Variants in NOP58 observed in about 807,000 individuals in gnomAD.
NOP58 encodes the protein nucleolar protein 58.
In NOP58, 44 loss-of-function variants were observed where a neutral mutation model predicts 71.2. That is an observed-to-expected ratio of 0.62 (90% confidence interval 0.49 to 0.79). The LOEUF is 0.79. NOP58 is among the 30% of genes least tolerant of loss of function. NOP58 has a pLI of 0.00. For synonymous variants in NOP58, 228 were observed against 200.3 expected (o/e 1.14, Z -1.17); for missense variants, 538 against 620.2 (o/e 0.87, Z 1.41).
intron 6 of NOP58, among the ~76,000 whole-genome samples, chr2:202,289,659 A>G (rs1045316008): frequency 6.6e-6 from 1 of 152,220 alleles, no homozygotes; most frequent in African/African-American, 2.4e-5. Context: ...TCTGATACAT[A>G]TTTCAACATG....
chr2:202,269,218 C>T (rs576206815), intron 1 of NOP58, among the ~76,000 whole-genome samples: 4 of 151,924 alleles, frequency 2.6e-5, no homozygotes, highest in Admixed American at 1.3e-4. Context: ...GTTGCCCAGG[C>T]TGGAGTGCAG....
intron 7 of NOP58, 22 bp from the exon 8 acceptor site, chr2:202,291,103 A>G (rs372137027): frequency 1.1e-4 from 170 of 1,566,138 alleles, no homozygotes; most frequent in South Asian, 5.9e-4. Flanking sequence ...ATTCTCCCTC[A>G]TCCTCTGCAA....
At chr2:202,280,887 C>T (rs1688691216) in intron 3 of NOP58, among the ~76,000 whole-genome samples, 1 of 150,666 alleles carries the variant, frequency 6.6e-6, no homozygotes, top group Non-Finnish European at 1.5e-5. Context: ...ACCACGCTCA[C>T]CTAATTTTTG....
chr2:202,291,150 C>T lies in NOP58; in HGVS notation c.660C>T (p.Ala220=). ...GCGATAGGAAGAACTATGCCTCTGC[C>T]AAGCTTTCTGAGTTGCTGCCAGAAG... The part of the protein sequence containing the change: ...KVGDRKNYAS[A]KLSELLPEEV... The change falls in exon 8 of 15, where the codon GCC becomes GCT. Residue 220 remains alanine (A), a synonymous_variant. Coordinates refer to ENST00000264279, the MANE Select transcript of NOP58 (RefSeq NM_015934.5). 1 of 1,611,194 alleles carries T rather than the reference C, an allele frequency of 6.2e-7. No individual in the cohort carries two copies. Among genetic ancestry groups the T allele is most frequent in the Non-Finnish European group, 8.5e-7 (1 of 1,179,276 alleles).
At chr2:202,288,616 G>A (rs912198473) in intron 6 of NOP58, among the ~76,000 whole-genome samples, 1 of 151,942 alleles carries the variant, frequency 6.6e-6, no homozygotes, top group Non-Finnish European at 1.5e-5. Context: ...TCAGGAGTTC[G>A]AGATCAGGCC....
chr2:202,277,042 C>T (rs920106516), intron 2 of NOP58, among the ~76,000 whole-genome samples: 28 of 151,762 alleles, frequency 1.8e-4, no homozygotes, highest in African/African-American at 6.5e-4. Context: ...AATCCCAGCA[C>T]TTTGGGAGGC....
intron 13 of NOP58, among the ~76,000 whole-genome samples, chr2:202,302,083 C>CT (rs71031885): frequency 0.026 from 2,373 of 90,580 alleles, 91 homozygotes; most frequent in Non-Finnish European, 0.029. Context: ...TTTTTTTTTT[C>CT]TTTTTTTTTT....
chr2:202,299,147 T>A (rs540424839), intron 12 of NOP58, among the ~76,000 whole-genome samples: 74 of 151,538 alleles, frequency 4.9e-4, no homozygotes, highest in South Asian at 2.1e-4. Flanking sequence ...TTTAGTAGAG[T>A]CGGGGTTTCA....
intron 8 of NOP58, 89 bp downstream of exon 8, chr2:202,291,359 T>G: frequency 1.0e-6 from 1 of 968,342 alleles, no homozygotes; most frequent in Non-Finnish European, 1.5e-6. Context: ...TTTACACTTA[T>G]TGTTGTTCAC....
At chr2:202,298,298 C>T (rs191650617) in intron 12 of NOP58, among the ~76,000 whole-genome samples, 1 of 152,088 alleles carries the variant, frequency 6.6e-6, no homozygotes, top group Non-Finnish European at 1.5e-5. Flanking sequence ...TTATTCATTT[C>T]CAGATATTGA....
chr2:202,273,548 G>A (rs762950384), intron 1 of NOP58, among the ~76,000 whole-genome samples: 10 of 152,088 alleles, frequency 6.6e-5, no homozygotes. Context: ...CTTTAGCATT[G>A]TTGTTACAAC....
At position 202,282,330 on chromosome 2, in the gene NOP58, GTTTTTC is replaced by G. The variant is rs1481569157; in HGVS notation, c.176-12_176-7del. Reference sequence around the variant, plus strand: ...TAAAAATTTGAGAGTTAATGCTTTTGTTTTTCTTTTTCTTGAAAAGCATTCACAGCT... The same window carrying G: ...TAAAAATTTGAGAGTTAATGCTTTTGTTTTTCTTGAAAAGCATTCACAGCT... On this transcript the variant is annotated splice_polypyrimidine_tract_variant and intron_variant, in intron 3 of 14. Transcript: ENST00000264279. 8 of 1,585,760 alleles carry G rather than the reference GTTTTTC, an allele frequency of 5.0e-6. No homozygotes were observed. Among genetic ancestry groups the G allele is most frequent in the South Asian group, 4.7e-5 (4 of 85,704 alleles).
At chr2:202,294,733 G>A (rs753287522) in intron 9 of NOP58, among the ~76,000 whole-genome samples, 1 of 152,174 alleles carries the variant, frequency 6.6e-6, no homozygotes, top group African/African-American at 2.4e-5. Context: ...GGGAAGCTGA[G>A]GAGGGTGGAT....
rs760678826 is a variant in NOP58, at chr2:202,297,415, A to G, written c.1108A>G (p.Ile370Val). Residue 370 changes from isoleucine (I) to valine (V), a missense_variant, in exon 11 of 15, where the codon ATC becomes GTC. Physicochemically the swap from Ile to Val is conservative, Grantham distance 29. Coordinates refer to ENST00000264279, the MANE Select transcript of NOP58 (RefSeq NM_015934.5). ...GCTGGCAGCCAAAACCGTTTTGGCTATCCGTTATGATGCTTTTGGTGAGGA... is the reference window on the plus strand; with the variant it reads ...GCTGGCAGCCAAAACCGTTTTGGCTGTCCGTTATGATGCTTTTGGTGAGGA... ...RMLAAKTVLA[I>V]RYDAFGEDSS... 1 of 1,613,954 alleles carries G rather than the reference A, an allele frequency of 6.2e-7. No homozygotes were observed. Among genetic ancestry groups the G allele is most frequent in the Non-Finnish European group, 8.5e-7 (1 of 1,179,880 alleles).
intron 2 of NOP58, chr2:202,276,368 T>A: frequency 2.8e-6 from 1 of 358,456 alleles, no homozygotes; most frequent in Non-Finnish European, 5.9e-6. Flanking sequence ...TGACACTGTT[T>A]TAGGCAACTA....
At chr2:202,277,911 C>G (rs546803608) in intron 2 of NOP58, 39 bp from the exon 3 acceptor site, 2 of 1,074,684 alleles carry the variant, frequency 1.9e-6, no homozygotes, top group African/African-American at 3.3e-5. Flanking sequence ...AACGCACTGC[C>G]CCCAATAACA....
rs775061251 is a variant in NOP58 at position 202,295,797 on chromosome 2, C to T, written c.1031C>T (p.Ala344Val). ...DTPKYGLIYH[A>V]SLVGQTSPKH... Reference sequence around the variant, plus strand: ...CCTAAGTATGGTCTCATTTATCATGCTTCACTCGTGGGCCAGACAAGTCCC... The same window carrying T: ...CCTAAGTATGGTCTCATTTATCATGTTTCACTCGTGGGCCAGACAAGTCCC... Residue 344 changes from alanine to valine, a missense_variant, in exon 10 of 15, where the codon GCT becomes GTT. Physicochemically the swap from Ala to Val is moderately conservative, Grantham distance 64. Coordinates refer to ENST00000264279, the MANE Select transcript of NOP58 (RefSeq NM_015934.5). 16 of 1,603,562 alleles carry T rather than the reference C, an allele frequency of 1.0e-5. No individual in the cohort carries two copies. Among genetic ancestry groups the T allele is most frequent in the Admixed American group, 6.9e-5 (4 of 57,604 alleles).
chr2:202,282,268 A>AT, intron 3 of NOP58, 83 bp from the exon 4 acceptor site: 1 of 1,156,978 alleles, frequency 8.6e-7, no homozygotes, highest in Non-Finnish European at 1.2e-6. Context: ...GGCCTATTTT[A>AT]TTTTTTTAAG....
At chr2:202,290,269 T>A in intron 6 of NOP58, 54 bp from the exon 7 acceptor site, 3 of 1,458,030 alleles carry the variant, frequency 2.1e-6, no homozygotes, top group Non-Finnish European at 2.8e-6. Context: ...TTGTGTATGT[T>A]TTACCACAAT....
Sources: allele counts gnomAD v4.1 joint callset (sites outside exome capture counted in the v4.1 genomes callset), GRCh38; gene constraint gnomAD v4.1.1; transcripts MANE v1.5; gene names NCBI Gene and HGNC (gene_info 2026-07-23, HGNC 2026-07-21).